CHRM3: variants seen among roughly 807,000 people sequenced by gnomAD.
CHRM3 encodes the protein muscarinic acetylcholine receptor M3.
CHRM3 carries 11 observed loss-of-function variants against 41.8 expected under a neutral mutation model. That is an observed-to-expected ratio of 0.26 (90% CI 0.17 to 0.44). The LOEUF is 0.44. Ranked by LOEUF, CHRM3 falls within the 20% of genes least tolerant of loss-of-function variation. The pLI, the probability that CHRM3 is intolerant of heterozygous loss-of-function variation, is 1.00. For missense variants in CHRM3, 571 were observed against 745.4 expected (o/e 0.77, Z 2.72); for synonymous variants, 297 against 301.4 (o/e 0.99, Z 0.15).
chr1:239,787,378 G>C (rs1668986259), intron 5 of CHRM3, among the ~76,000 whole-genome samples: 1 of 92,410 alleles, frequency 1.1e-5, no homozygotes. Flanking sequence ...CAGGGCAGAG[G>C]ATGAAGCCTT....
chr1:239,793,652 C>T (rs1669516795), intron 5 of CHRM3, among the ~76,000 whole-genome samples: 1 of 152,102 alleles, frequency 6.6e-6, no homozygotes, highest in Non-Finnish European at 1.5e-5. Context: ...AGCATGAAAA[C>T]ATTTCACCTG....
At chr1:239,558,344 C>T (rs1660560189) in intron 3 of CHRM3, among the ~76,000 whole-genome samples, 1 of 152,002 alleles carries the variant, frequency 6.6e-6, no homozygotes, top group Non-Finnish European at 1.5e-5. Context: ...TGTAAGTTTG[C>T]TTAAGTTCCT....
chr1:239,662,065 G>A (rs912369497), intron 4 of CHRM3, among the ~76,000 whole-genome samples: 14 of 151,156 alleles, frequency 9.3e-5, no homozygotes, highest in South Asian at 2.1e-4. Context: ...TGCATTGTGA[G>A]GATAAAAACT....
intron 6 of CHRM3, among the ~76,000 whole-genome samples, chr1:239,900,150 T>G (rs1205439606): frequency 6.6e-6 from 1 of 152,198 alleles, no homozygotes; most frequent in East Asian, 1.9e-4. Context: ...TGCTATGGAA[T>G]AGCTGTTGAG....
Position 239,908,176 on chromosome 1 carries a change from T to A in CHRM3, c.725T>A (p.Met242Lys). The A allele has an allele frequency of 6.2e-7, 1 of 1,614,166 alleles. No individual in the cohort carries two copies. The highest frequency in any genetic ancestry group is 8.5e-7 in the Non-Finnish European group (1 of 1,180,036). The change falls in exon 7 of 7, where the codon ATG becomes AAG. Residue 242 changes from methionine to lysine, a missense_variant. Met to Lys is a moderately conservative substitution (Grantham distance 95). This residue lies in a region of CHRM3 where 153 missense variants were observed against 296.3 expected (regional missense o/e 0.52). Transcript: ENST00000676153. This position sits in a 1 kb window ranked among gnomAD's most constrained non-coding sequence, Gnocchi z 7.2. ...TFGTAIAAFYMPVTIMTILYW... is the reference protein window; with the variant it reads ...TFGTAIAAFYKPVTIMTILYW... ...GGCACAGCCATCGCTGCTTTTTATA[T>A]GCCTGTCACCATTATGACTATTTTA...
At chr1:239,619,987 G>A (rs1320365118) in intron 3 of CHRM3, among the ~76,000 whole-genome samples, 1 of 152,132 alleles carries the variant, frequency 6.6e-6, no homozygotes. Context: ...GTATTTTAAA[G>A]ATATTATTTA....
chr1:239,658,618 CTGAT>C (rs1449665813), intron 4 of CHRM3, among the ~76,000 whole-genome samples: 3 of 152,170 alleles, frequency 2.0e-5, no homozygotes, highest in Non-Finnish European at 2.9e-5. Context: ...TAATAACTGA[CTGAT>C]TGATTAAGGA....
chr1:239,425,439 A>G (rs1384203366), intron 1 of CHRM3, among the ~76,000 whole-genome samples: 1 of 132,250 alleles, frequency 7.6e-6, no homozygotes, highest in African/African-American at 3.0e-5. Flanking sequence ...TACCAAAGTA[A>G]AAAAAAAAAC....
At chr1:239,536,357 C>T (rs770999090) in intron 2 of CHRM3, among the ~76,000 whole-genome samples, 3 of 152,182 alleles carry the variant, frequency 2.0e-5, no homozygotes, top group Non-Finnish European at 4.4e-5. Flanking sequence ...CCTCCTGTTG[C>T]AAACAATCTC....
chr1:239,744,246 A>G (rs1665144463), intron 5 of CHRM3, among the ~76,000 whole-genome samples: 2 of 152,220 alleles, frequency 1.3e-5, no homozygotes, highest in Non-Finnish European at 2.9e-5. Context: ...AAAGTGATGT[A>G]GTTCCTGACA....
intron 3 of CHRM3, among the ~76,000 whole-genome samples, chr1:239,603,254 T>A (rs1329522048): frequency 6.6e-6 from 1 of 152,168 alleles, no homozygotes; most frequent in Non-Finnish European, 1.5e-5. Flanking sequence ...TCATCTCAAA[T>A]TTTTTTGTAG....
In CHRM3 at chr1:239,863,737, A is replaced by G. The variant is rs185580969; in HGVS notation, c.-20+36359A>G. ...TGGGGGGAAGAGAAAGAAACAAAGA[A>G]GAAAGGGAGGGAAGGGGAGTAGACA... On this transcript the variant is annotated intron_variant, in intron 6 of 6. Transcript: ENST00000676153. Among the ~76,000 whole-genome samples the G allele has an allele frequency of 1.0e-3, 157 of 150,758 alleles. 5 individuals carry two copies. The East Asian group carries it at 0.03, about 29-fold the overall frequency.
chr1:239,390,667 T>C (rs1018287410), intron 1 of CHRM3, among the ~76,000 whole-genome samples: 4 of 151,258 alleles, frequency 2.6e-5, no homozygotes, highest in East Asian at 2.0e-4. Flanking sequence ...GGCATGATCT[T>C]GACTCACTGC....
intron 5 of CHRM3, among the ~76,000 whole-genome samples, chr1:239,725,023 C>T (rs1024281525): frequency 5.9e-5 from 9 of 151,894 alleles, no homozygotes. Flanking sequence ...GCACTCTCAG[C>T]TGTGTTGCTC....
chr1:239,725,498 C>T (rs187922253), intron 5 of CHRM3, among the ~76,000 whole-genome samples: 42 of 151,942 alleles, frequency 2.8e-4, no homozygotes, highest in African/African-American at 1.0e-3. Flanking sequence ...TGTTTCTATG[C>T]CAAAATGTCT....
At chr1:239,734,213 A>T (rs1664211098) in intron 5 of CHRM3, among the ~76,000 whole-genome samples, 2 of 152,050 alleles carry the variant, frequency 1.3e-5, no homozygotes, top group Non-Finnish European at 2.9e-5. Flanking sequence ...TCTTGGAGAG[A>T]TGACAGACTC....
At chr1:239,839,818 G>T (rs925825710) in intron 6 of CHRM3, among the ~76,000 whole-genome samples, 1 of 151,636 alleles carries the variant, frequency 6.6e-6, no homozygotes, top group Non-Finnish European at 1.5e-5. Flanking sequence ...GAGCGGGGAA[G>T]GGAGAAGTAC....
chr1:239,668,089 C>CTTTTTTTTTTTTTTTTTTTTTTTTT (rs1221135009), intron 4 of CHRM3, among the ~76,000 whole-genome samples: 1 of 75,598 alleles, frequency 1.3e-5, no homozygotes, highest in African/African-American at 5.3e-5. Context: ...TTTCCCCTTT[C>CTTTTTTTTTTTTTTTTTTTTTTTTT]TTTTTTTTTT....
intron 3 of CHRM3, among the ~76,000 whole-genome samples, chr1:239,595,038 A>C (rs1422761291): frequency 6.6e-6 from 1 of 152,208 alleles, no homozygotes; most frequent in African/African-American, 2.4e-5. Flanking sequence ...ATGGTGAGCC[A>C]AGATTGTGCC....
Sources: gnomAD v4.1 joint callset for allele counts (sites outside exome capture counted in the v4.1 genomes callset) on GRCh38, gnomAD v4.1.1 for gene constraint, gnomAD v4.1.1 regional missense constraint, Gnocchi (gnomAD v3.1) non-coding constraint, MANE v1.5 for transcripts, NCBI Gene and HGNC (gene_info 2026-07-23, HGNC 2026-07-21) for gene names.